RBMXL1: variants seen among roughly 807,000 people sequenced by gnomAD.
The protein encoded by RBMXL1 is RNA binding motif protein, X-linked-like-1.
A neutral mutation model predicts 29.0 loss-of-function variants in RBMXL1; 18 were observed. The observed-to-expected ratio is 0.62, with a 90% CI of 0.43 to 0.92. The LOEUF is 0.92. Ranked by LOEUF, RBMXL1 falls within the 40% of genes least tolerant of loss-of-function variation. The pLI, the probability that RBMXL1 is intolerant of heterozygous loss-of-function variation, is 0.00. For missense variants in RBMXL1, 403 were observed against 495.8 expected, an observed-to-expected ratio of 0.81 and a Z score of 1.78; for synonymous variants, 141 against 170.4, an observed-to-expected ratio of 0.83 and a Z score of 1.34.
chr1:88,988,685 A>G (rs1677613764), intron 1 of RBMXL1, among the ~76,000 whole-genome samples: 1 of 152,244 alleles, frequency 6.6e-6, no homozygotes, highest in Admixed American at 6.5e-5. Flanking sequence ...TAGCAGCTAT[A>G]AAATCCAGAG....
Position 88,983,729 on chromosome 1 carries a change from C to T in RBMXL1, c.98G>A (p.Arg33Gln), listed in dbSNP as rs139527615. The change falls in exon 3 of 3, where the codon CGA (arginine) becomes CAA (glutamine). Residue 33 changes from arginine to glutamine, a missense_variant. Physicochemically the swap from Arg to Gln is conservative, Grantham distance 43. Transcript: ENST00000652648. Reference protein sequence around the residue: ...ALETVFGKYGRIVEVLLIKDR... With the variant: ...ALETVFGKYGQIVEVLLIKDR... ...TTTTATCAAGAGTACTTCCACTATT[C>T]GTCCATATTTGCCAAATACTGTTTC... The T allele has an allele frequency of 7.0e-3, 11,242 of 1,614,010 alleles. 16 individuals carry two copies. Among genetic ancestry groups the T allele is most frequent in the Non-Finnish European group, 8.0e-3 (9,383 of 1,179,916 alleles).
Position 88,982,627 on chromosome 1 carries a change from G to C in RBMXL1, c.*27C>G. The stretch of plus-strand genomic sequence containing the variant: ...TCTTTTTTTTGTTTCTTTGAACTGG[G>C]ATTTTGGTCCAAAGTTTTGTTTGTT... On this transcript the variant is annotated 3_prime_UTR_variant, in exon 3 of 3. Transcript: ENST00000652648. 6.4e-7 allele frequency: 1 copy of C among 1,565,790 alleles called. No homozygotes were observed. The highest frequency in any genetic ancestry group is 1.4e-5 in the African/African-American group (1 of 72,796).
At chr1:88,986,549 C>T (rs1677469658) in intron 2 of RBMXL1, among the ~76,000 whole-genome samples, 1 of 151,678 alleles carries the variant, frequency 6.6e-6, no homozygotes, top group Non-Finnish European at 1.5e-5. Flanking sequence ...GCCTCAGCCT[C>T]CCAAAGTGCT....
In RBMXL1 at chr1:88,981,359, C is replaced by T. The variant is rs925122097; in HGVS notation, c.*1295G>A. The stretch of plus-strand genomic sequence containing the variant: ...CTTAAGTTCTAAATTGAAGAGTTGT[C>T]CCCATGACTTTAGCTAAACAAAATG... On this transcript the variant is annotated 3_prime_UTR_variant, in exon 3 of 3. Coordinates refer to ENST00000652648, the MANE Select transcript of RBMXL1 (RefSeq NM_001162536.3). 6.6e-6 allele frequency: 1 copy of T among 152,246 alleles called. No homozygotes were observed. Among genetic ancestry groups the T allele is most frequent in the Non-Finnish European group, 1.5e-5 (1 of 68,092 alleles). The allele number at this position is 152,246 out of a possible 1,614,324, so 9.4% of individuals were successfully genotyped here. A position where few individuals can be genotyped will look rare whatever the true frequency, so the allele number is the denominator to read the frequency against.
chr1:88,987,219 T>C (rs966376479), intron 2 of RBMXL1, among the ~76,000 whole-genome samples: 4 of 152,176 alleles, frequency 2.6e-5, no homozygotes, highest in African/African-American at 9.7e-5. Context: ...CAAATGAGGA[T>C]TGTGCACACA....
chr1:88,986,709 C>A (rs568579956), intron 2 of RBMXL1, among the ~76,000 whole-genome samples: 8 of 152,192 alleles, frequency 5.3e-5, no homozygotes. Flanking sequence ...ATTCCCTTCC[C>A]GGCAGATTTT....
chr1:88,991,983 GTT>G (rs10638041), intron 1 of RBMXL1, among the ~76,000 whole-genome samples: 6 of 144,826 alleles, frequency 4.1e-5, no homozygotes, highest in East Asian at 2.0e-4. Context: ...TATTCTTTTG[GTT>G]TTTTTTTTTT....
intron 2 of RBMXL1, among the ~76,000 whole-genome samples, chr1:88,984,862 TC>T (rs201111663): frequency 0.013 from 1,976 of 152,372 alleles, 40 homozygotes; most frequent in African/African-American, 0.044. Context: ...AGTTTTGCCT[TC>T]ATTTGCAATC....
At position 88,992,628 on chromosome 1, in the gene RBMXL1, C is replaced by G. The variant is rs114420270; in HGVS notation, c.-384G>C. 3,016 of 152,848 alleles carry G rather than the reference C, an allele frequency of 0.02. 112 individuals carry two copies. The highest frequency in any genetic ancestry group is 0.068 in the African/African-American group (2,816 of 41,574). 9.5% of individuals were successfully genotyped at this position (152,848 alleles called of 1,614,324 possible). A position where few individuals can be genotyped will look rare whatever the true frequency, so the allele number is the denominator to read the frequency against. On this transcript the variant is annotated 5_prime_UTR_variant, in exon 1 of 3. Transcript: ENST00000652648. ...TCGCCTCCCTAGGCTCGAGTCCCGA[C>G]TGGGCTTGAGGGCCCGGCTGGGCGG... is the stretch of plus-strand genomic sequence containing the variant.
At chr1:88,989,614 C>T (rs1331595489) in intron 1 of RBMXL1, among the ~76,000 whole-genome samples, 6 of 152,134 alleles carry the variant, frequency 3.9e-5, no homozygotes, top group African/African-American at 1.4e-4. Context: ...CCAGGAATTA[C>T]ATTGCATGAT....
chr1:88,984,062 T>C lies in RBMXL1; in HGVS notation c.-236A>G. ...TAGATGGCAGAGGAAAACAACAGAA[T>C]GTTCCTGTAATGGTGGAAGAAATGA... On this transcript the variant is annotated 5_prime_UTR_variant, in exon 3 of 3. Coordinates refer to ENST00000652648, the MANE Select transcript of RBMXL1 (RefSeq NM_001162536.3). 6.7e-6 allele frequency: 4 copies of C among 596,758 alleles called. No individual in the cohort carries two copies. Among genetic ancestry groups the C allele is most frequent in the South Asian group, 6.5e-5 (3 of 46,048 alleles). 37.0% of individuals were successfully genotyped at this position (596,758 alleles called of 1,614,324 possible).
chr1:88,990,109 CCT>C (rs1194267656), intron 1 of RBMXL1, among the ~76,000 whole-genome samples: 3 of 152,142 alleles, frequency 2.0e-5, no homozygotes, highest in African/African-American at 7.2e-5. Context: ...TCTAAAAAAT[CCT>C]TGTTTTTTCC....
At chr1:88,985,259 T>C (rs1310434564) in intron 2 of RBMXL1, among the ~76,000 whole-genome samples, 2 of 152,186 alleles carry the variant, frequency 1.3e-5, no homozygotes, top group Non-Finnish European at 2.9e-5. Flanking sequence ...TCCTCACCCA[T>C]ATCAATAGGC....
chr1:88,984,107 A>G (rs563862843), intron 2 of RBMXL1, 41 bp from the exon 3 acceptor site: 1 of 495,186 alleles, frequency 2.0e-6, no homozygotes, highest in African/African-American at 1.9e-5. Flanking sequence ...TCAGAAGTGG[A>G]AATGTAAAGC....
At chr1:88,987,102 A>G (rs1347390489) in intron 2 of RBMXL1, among the ~76,000 whole-genome samples, 1 of 152,244 alleles carries the variant, frequency 6.6e-6, no homozygotes, top group Non-Finnish European at 1.5e-5. Flanking sequence ...TTTGCCTGGG[A>G]CATACATCAG....
chr1:88,984,830 C>T (rs1006959718), intron 2 of RBMXL1, among the ~76,000 whole-genome samples: 1 of 152,158 alleles, frequency 6.6e-6, no homozygotes, highest in East Asian at 1.9e-4. Context: ...TGATTATCTT[C>T]CCTCCACCCT....
In RBMXL1 at chr1:88,983,148, T is replaced by C. The variant is rs537541331; in HGVS notation, c.679A>G (p.Ser227Gly). Residue 227 changes from serine to glycine, a missense_variant, in exon 3 of 3, where the codon AGT (serine) becomes GGT (glycine). Coordinates refer to ENST00000652648, the MANE Select transcript of RBMXL1 (RefSeq NM_001162536.3). Reference protein sequence around the residue: ...KDSYSSRDYPSSRDTRDYAPP... With the variant: ...KDSYSSRDYPGSRDTRDYAPP... ...GCATAATCTCTTGTATCACGAGAACTTGGGTAATCTCTGCTTGAATAGCTG... is the reference window on the plus strand; with the variant it reads ...GCATAATCTCTTGTATCACGAGAACCTGGGTAATCTCTGCTTGAATAGCTG... 4.3e-6 allele frequency: 7 copies of C among 1,612,554 alleles called. No individual in the cohort carries two copies. The highest frequency in any genetic ancestry group is 2.1e-4 in the Middle Eastern group (1 of 4,722).
rs1195115638 is a variant in RBMXL1, at chr1:88,983,920, C to A, written c.-94G>T. 7 of 1,447,612 alleles carry A rather than the reference C, an allele frequency of 4.8e-6. No individual in the cohort carries two copies. The highest frequency in any genetic ancestry group is 2.3e-5 in the East Asian group (1 of 44,054). The allele number at this position is 1,447,612 out of a possible 1,614,324, so 89.7% of individuals were successfully genotyped here. On this transcript the variant is annotated 5_prime_UTR_variant, in exon 3 of 3. Transcript: ENST00000652648. ...CTTCCTAGCAGCTCAGCACCAGTGG[C>A]GGCTGTCAGTTAGGAGGACTGAACC...
At position 88,983,912 on chromosome 1, in the gene RBMXL1, A is replaced by AG; in HGVS notation, c.-87_-86insC. 6 of 1,509,792 alleles carry AG rather than the reference A, an allele frequency of 4.0e-6. No homozygotes were observed. The highest frequency in any genetic ancestry group is 5.5e-6 in the Non-Finnish European group (6 of 1,088,360). The allele number at this position is 1,509,792 out of a possible 1,614,324, so 93.5% of individuals were successfully genotyped here. ...GACAGGGGCTTCCTAGCAGCTCAGC[A>AG]CCAGTGGCGGCTGTCAGTTAGGAGG... On this transcript the variant is annotated 5_prime_UTR_variant, in exon 3 of 3. Coordinates refer to ENST00000652648, the MANE Select transcript of RBMXL1 (RefSeq NM_001162536.3).
Sources: gnomAD v4.1 joint callset for allele counts (sites outside exome capture counted in the v4.1 genomes callset) on GRCh38, gnomAD v4.1.1 for gene constraint, MANE v1.5 for transcripts, NCBI Gene and HGNC (gene_info 2026-07-23, HGNC 2026-07-21) for gene names.